EXT1: variants seen among roughly 807,000 people sequenced by gnomAD.
EXT1 encodes exostosin-1.
In EXT1, 20 loss-of-function variants were observed where a neutral mutation model predicts 82.5. The ratio of observed to expected loss-of-function variants is 0.24; its 90% CI spans 0.17 to 0.35. The LOEUF (loss-of-function observed/expected upper bound fraction) is 0.35. Among genes scored for constraint, EXT1 ranks in the 10% least tolerant of loss-of-function variants. EXT1 has a pLI of 1.00. For missense variants in EXT1, 757 were observed against 936.5 expected (o/e 0.81, Z 2.50); for synonymous variants, 348 against 350.8 (o/e 0.99, Z 0.09).
rs372191278 is a variant in EXT1, at chr8:117,811,943, G to C, written c.1722+929C>G. Among the ~76,000 whole-genome samples, 176 of 152,268 alleles carry C rather than the reference G, an allele frequency of 1.2e-3. 2 individuals are homozygous for C. Among genetic ancestry groups the C allele is most frequent in the African/African-American group, 4.0e-3 (167 of 41,558 alleles). On this transcript the variant is annotated intron_variant, in intron 8 of 10. Transcript: ENST00000378204. ...CTGTGGAATTTCAAGGAGACACTGA[G>C]TTCACCTAGGCCAACATTGAGTCTT...
chr8:117,908,547 T>C (rs1586278202), intron 1 of EXT1, among the ~76,000 whole-genome samples: 1 of 152,100 alleles, frequency 6.6e-6, no homozygotes, highest in South Asian at 2.1e-4. Context: ...GGAGAATCAC[T>C]TGAACTCGGG....
chr8:117,916,705 G>C (rs899509204), intron 1 of EXT1, among the ~76,000 whole-genome samples: 1 of 151,998 alleles, frequency 6.6e-6, no homozygotes, highest in Non-Finnish European at 1.5e-5. Flanking sequence ...TTGAGGTGAG[G>C]AGTTTGAGAC....
chr8:117,867,543 C>G (rs1812796189), intron 1 of EXT1, among the ~76,000 whole-genome samples: 1 of 152,138 alleles, frequency 6.6e-6, no homozygotes, highest in Non-Finnish European at 1.5e-5. Context: ...AACACTCCAC[C>G]AAACAGCAAA....
chr8:118,012,579 G>C (rs1172621920), intron 1 of EXT1, among the ~76,000 whole-genome samples: 1 of 152,250 alleles, frequency 6.6e-6, no homozygotes, highest in Non-Finnish European at 1.5e-5. Context: ...CAGGCCTCCA[G>C]GGTGGAGACA....
intron 1 of EXT1, among the ~76,000 whole-genome samples, chr8:117,980,779 G>C (rs1290765786): frequency 1.4e-5 from 2 of 138,134 alleles, no homozygotes; most frequent in Non-Finnish European, 3.1e-5. Context: ...TTCCAACACT[G>C]TTTTCACAGC....
At chr8:117,881,776 G>A (rs1813063491) in intron 1 of EXT1, among the ~76,000 whole-genome samples, 1 of 152,202 alleles carries the variant, frequency 6.6e-6, no homozygotes, top group Non-Finnish European at 1.5e-5. Flanking sequence ...CTCTTCTGAA[G>A]GTTGGCAGTG....
intron 1 of EXT1, among the ~76,000 whole-genome samples, chr8:117,857,196 T>G (rs546756580): frequency 1.0e-3 from 155 of 152,270 alleles, no homozygotes; most frequent in South Asian, 2.3e-3. Flanking sequence ...CTAATGGAGA[T>G]GTGTAAGATT....
chr8:118,021,893 A>G (rs559601559), intron 1 of EXT1, among the ~76,000 whole-genome samples: 32 of 152,194 alleles, frequency 2.1e-4, no homozygotes, highest in South Asian at 1.0e-3. Flanking sequence ...CTTTTGTTAC[A>G]GTATTCTGGG....
chr8:118,012,201 C>T (rs1213916100), intron 1 of EXT1, among the ~76,000 whole-genome samples: 1 of 152,228 alleles, frequency 6.6e-6, no homozygotes, highest in East Asian at 1.9e-4. Context: ...AAGCGCAGGC[C>T]AGATGCCAGT....
At position 117,848,099 on chromosome 8, in the gene EXT1, G is replaced by T. The variant is rs1407279618; in HGVS notation, c.963-10898C>A. On this transcript the variant is annotated intron_variant, in intron 1 of 10. Transcript: ENST00000378204. ...TATAGCACATTCACAAAAAATTCTA[G>T]AACACCCAACTTACTATGAACGCTG... Among the ~76,000 whole-genome samples, 3 of 152,140 alleles carry T rather than the reference G, an allele frequency of 2.0e-5. No individual in the cohort carries two copies. The East Asian group carries it at 5.8e-4, about 29-fold the overall frequency.
At chr8:117,975,180 A>C (rs1286580599) in intron 1 of EXT1, among the ~76,000 whole-genome samples, 1 of 152,162 alleles carries the variant, frequency 6.6e-6, no homozygotes, top group African/African-American at 2.4e-5. Flanking sequence ...GACAGATTGT[A>C]TTTCTTTGGA....
chr8:117,964,478 C>T (rs1814764765), intron 1 of EXT1, among the ~76,000 whole-genome samples: 1 of 152,170 alleles, frequency 6.6e-6, no homozygotes, highest in Admixed American at 6.5e-5. Flanking sequence ...TGTAGAATAT[C>T]TCCTCTTCTG....
At chr8:118,018,242 C>G (rs184405401) in intron 1 of EXT1, among the ~76,000 whole-genome samples, 186 of 152,138 alleles carry the variant, frequency 1.2e-3, no homozygotes, top group Non-Finnish European at 2.1e-3. Flanking sequence ...GAGGTCATAC[C>G]AGAGTAGGGT....
chr8:117,885,517 G>GAAAGA (rs1813133398), intron 1 of EXT1, among the ~76,000 whole-genome samples: 1 of 127,760 alleles, frequency 7.8e-6, no homozygotes, highest in African/African-American at 2.9e-5. Context: ...AAAAAAGAAA[G>GAAAGA]AAAGAAATCT....
intron 1 of EXT1, among the ~76,000 whole-genome samples, chr8:118,063,957 C>T (rs1245179371): frequency 6.6e-6 from 1 of 152,142 alleles, no homozygotes; most frequent in Non-Finnish European, 1.5e-5. Context: ...AATTCAACTT[C>T]CCTGGTTCAA....
intron 6 of EXT1, 94 bp from the exon 7 acceptor site, chr8:117,818,624 A>G: frequency 3.9e-6 from 4 of 1,031,958 alleles, no homozygotes; most frequent in Non-Finnish European, 6.1e-6. Flanking sequence ...AAAGAGAAAG[A>G]GGAGCTGGAA....
intron 1 of EXT1, among the ~76,000 whole-genome samples, chr8:118,034,837 T>C (rs1816390340): frequency 6.6e-6 from 1 of 152,192 alleles, no homozygotes; most frequent in South Asian, 2.1e-4. Context: ...AGCATGGCAG[T>C]CATGATGTTC....
At chr8:117,814,532 C>T (rs1811761371) in intron 7 of EXT1, among the ~76,000 whole-genome samples, 1 of 152,020 alleles carries the variant, frequency 6.6e-6, no homozygotes, top group African/African-American at 2.4e-5. Context: ...GTATCTTGCC[C>T]AAAACGGACC....
At chr8:117,982,324 C>T (rs1042757520) in intron 1 of EXT1, among the ~76,000 whole-genome samples, 12 of 152,172 alleles carry the variant, frequency 7.9e-5, no homozygotes, top group Non-Finnish European at 1.0e-4. Context: ...TCCTTGCCTA[C>T]GCTCCCTTCC....
Sources: gnomAD v4.1 joint callset for allele counts (sites outside exome capture counted in the v4.1 genomes callset) on GRCh38, gnomAD v4.1.1 for gene constraint, MANE v1.5 for transcripts, NCBI Gene and HGNC (gene_info 2026-07-23, HGNC 2026-07-21) for gene names.